KRT81: variants seen among roughly 807,000 people sequenced by gnomAD.
KRT81 encodes keratin 81, also known as keratin, type II cuticular Hb1.
KRT81 carries 35 observed loss-of-function variants against 35.8 expected under a neutral mutation model. The ratio of observed to expected loss-of-function variants is 0.98; its 90% CI spans 0.75 to 1.30. The LOEUF (loss-of-function observed/expected upper bound fraction) is 1.30, where lower values mean the gene tolerates loss of function less well. Ranked by LOEUF, KRT81 falls within the 50% of genes most tolerant of loss-of-function variation. The pLI is 0.00. For missense variants in KRT81, 531 were observed against 577.4 expected (o/e 0.92, Z 0.82); for synonymous variants, 249 against 251.2 (o/e 0.99, Z 0.08).
At chr12:52,287,830 A>G (rs1214571366) in intron 5 of KRT81, 109 bp from the exon 6 acceptor site, 1 of 1,605,338 alleles carries the variant, frequency 6.2e-7, no homozygotes, top group Non-Finnish European at 8.5e-7. Context: ...GCAGCCACAC[A>G]TGGCAGTCCT....
Position 52,287,632 on chromosome 12 carries a change from T to C in KRT81, c.990A>G (p.Gln330=), listed in dbSNP as rs7300801. The part of the protein sequence containing the change: ...EEINELNRMI[Q]RLTAEVENAK... ...CATTCTCCACCTCGGCCGTCAGCCT[T>C]TGGATCATGCGGTTCAGCTCATTGA... is the stretch of plus-strand genomic sequence containing the variant. Residue 330 remains glutamine (Q), a synonymous_variant, in exon 6 of 9, where the codon CAA becomes CAG. Coordinates refer to ENST00000327741, the MANE Select transcript of KRT81 (RefSeq NM_002281.4). 0.51 allele frequency: 817,507 copies of C among 1,613,202 alleles called. 211,729 individuals are homozygous for C. The highest frequency in any genetic ancestry group is 0.57 in the African/African-American group (42,424 of 74,874).
chr12:52,286,690 C>T (rs1478680573), intron 8 of KRT81, 101 bp downstream of exon 8: 2 of 1,349,966 alleles, frequency 1.5e-6, no homozygotes, highest in African/African-American at 2.9e-5. Context: ...GATGCCAGCC[C>T]ACTCTTTTAT....
intron 7 of KRT81, 41 bp from the exon 8 acceptor site, chr12:52,286,863 C>T: frequency 6.2e-7 from 1 of 1,611,294 alleles, no homozygotes; most frequent in Non-Finnish European, 8.5e-7. Context: ...GTGACTGCCC[C>T]AGAGTGGCTG....
At position 52,287,180 on chromosome 12, in the gene KRT81, T is replaced by C. The variant is rs372998713; in HGVS notation, c.1169A>G (p.Gln390Arg). 4.3e-6 allele frequency: 7 copies of C among 1,613,658 alleles called. No individual in the cohort carries two copies. The highest frequency in any genetic ancestry group is 4.5e-5 in the East Asian group (2 of 44,874). ...QDMACLIREY[Q>R]EVMNSKLGLD... ...GCCCAGCTTGGAGTTCATCACCTCC[T>C]GGTACTCCCTGATCAGGCAGGCCAT... The change falls in exon 7 of 9, where the codon CAG becomes CGG. Residue 390 changes from glutamine (Q) to arginine (R), a missense_variant. Coordinates refer to ENST00000327741, the MANE Select transcript of KRT81 (RefSeq NM_002281.4).
intron 4 of KRT81, 78 bp downstream of exon 4, chr12:52,288,283 A>C (rs538802475): frequency 6.2e-7 from 1 of 1,605,534 alleles, no homozygotes; most frequent in East Asian, 2.2e-5. Flanking sequence ...ACCTCTACCC[A>C]CATCCTGTCC....
Position 52,291,396 on chromosome 12 carries a change from G to T in KRT81, c.70C>A (p.Arg24Ser), listed in dbSNP as rs549397349. ...TAGGGGGCGGCGGTGATGCAGCAGC[G>T]GCCGGGCCGCGGCCCGCAGGCCGAG... ...CISACGPRPG[R>S]CCITAAPYRG... Residue 24 changes from arginine (R) to serine (S), a missense_variant, in exon 1 of 9, where the codon CGC becomes AGC. Arg to Ser is a moderately radical substitution (Grantham distance 110). Transcript: ENST00000327741. 9.9e-6 allele frequency: 16 copies of T among 1,609,230 alleles called. No homozygotes were observed. The highest frequency in any genetic ancestry group is 1.3e-5 in the Non-Finnish European group (15 of 1,178,304).
intron 6 of KRT81, 101 bp downstream of exon 6, chr12:52,287,495 G>A: frequency 6.2e-7 from 1 of 1,606,938 alleles, no homozygotes; most frequent in Non-Finnish European, 8.5e-7. Flanking sequence ...TGGACAAAGG[G>A]GGTGGAGAAT....
intron 5 of KRT81, 77 bp from the exon 6 acceptor site, chr12:52,287,798 G>A: frequency 6.2e-7 from 1 of 1,613,080 alleles, no homozygotes; most frequent in South Asian, 1.1e-5. Context: ...TGATTTTGCA[G>A]GTTGTACAGT....
rs138190669 is a variant in KRT81, at chr12:52,287,373, A to G, written c.1027-51T>C. 0.015 allele frequency: 24,003 copies of G among 1,606,316 alleles called. 231 individuals are homozygous for G. The highest frequency in any genetic ancestry group is 0.018 in the Non-Finnish European group (21,493 of 1,176,080). On this transcript the variant is annotated intron_variant, in intron 6 of 8. Coordinates refer to ENST00000327741, the MANE Select transcript of KRT81 (RefSeq NM_002281.4). ...AGATTAGAGTCCCTGGGTCTCTCTGATGCTCATCCAAATGAGACCACACTC... is the reference window on the plus strand; with the variant it reads ...AGATTAGAGTCCCTGGGTCTCTCTGGTGCTCATCCAAATGAGACCACACTC...
rs375321371 is a variant in KRT81, at chr12:52,286,716, C to T, written c.1279+75G>A. On this transcript the variant is annotated intron_variant, in intron 8 of 8. Coordinates refer to ENST00000327741, the MANE Select transcript of KRT81 (RefSeq NM_002281.4). Reference sequence around the variant, plus strand: ...ACTCTTTTATATTCAATCTCAGTAACACTCCTTTTTCCAAACTCTGCCCTC... The same window carrying T: ...ACTCTTTTATATTCAATCTCAGTAATACTCCTTTTTCCAAACTCTGCCCTC... 2.4e-5 allele frequency: 35 copies of T among 1,483,734 alleles called. No individual in the cohort carries two copies. In the African/African-American group the frequency reaches 4.5e-4, roughly 19 times the overall value. The allele number at this position is 1,483,734 out of a possible 1,614,324, so 91.9% of individuals were successfully genotyped here.
In KRT81 at chr12:52,288,083, C is replaced by G; in HGVS notation, c.801G>C (p.Arg267=). The part of the protein sequence containing the change: ...TSVVVKLDNS[R]DLNMDCIIAE... ...CAATGATGCAGTCCATGTTCAGGTCCCGGCTGTTGTCCAGCTTGACAACCA... is the reference window on the plus strand; with the variant it reads ...CAATGATGCAGTCCATGTTCAGGTCGCGGCTGTTGTCCAGCTTGACAACCA... Residue 267 remains arginine (R), a synonymous_variant, in exon 5 of 9, where the codon CGG becomes CGC. Transcript: ENST00000327741. 1 of 1,614,178 alleles carries G rather than the reference C, an allele frequency of 6.2e-7. No individual in the cohort carries two copies. Among genetic ancestry groups the G allele is most frequent in the Non-Finnish European group, 8.5e-7 (1 of 1,180,032 alleles).
At chr12:52,288,775 C>A (rs1401780193) in intron 3 of KRT81, among the ~76,000 whole-genome samples, 2 of 152,096 alleles carry the variant, frequency 1.3e-5, no homozygotes, top group East Asian at 3.9e-4. Context: ...TTTCCTGTCC[C>A]CCACAAGTGC....
Position 52,286,827 on chromosome 12 carries a change from G to A in KRT81, c.1248-5C>T. On this transcript the variant is annotated splice_region_variant and splice_polypyrimidine_tract_variant and intron_variant, in intron 7 of 8. Coordinates refer to ENST00000327741, the MANE Select transcript of KRT81 (RefSeq NM_002281.4). ...GCCCCAATGCCTTCACATAGCCTGA[G>A]GGCAAAAGAGAAAAAGGCAACATTA... is the stretch of plus-strand genomic sequence containing the variant. 6.2e-7 allele frequency: 1 copy of A among 1,613,886 alleles called. No homozygotes were observed.
chr12:52,290,534 AC>A (rs759612226), intron 1 of KRT81, among the ~76,000 whole-genome samples: 125 of 6,104 alleles, frequency 0.02, 15 homozygotes, highest in Middle Eastern at 0.083. Flanking sequence ...GAGTTGAGTG[AC>A]CCCCCCCCCC....
In KRT81 at chr12:52,291,508, C is replaced by A. The variant is rs758210072; in HGVS notation, c.-43G>T. The stretch of plus-strand genomic sequence containing the variant: ...GGGTTGCAGAGGACAGGATAGGGGA[C>A]CTGGAGTCCTGATGGAAACTCCAAT... On this transcript the variant is annotated 5_prime_UTR_variant, in exon 1 of 9. Transcript: ENST00000327741. The A allele has an allele frequency of 6.2e-7, 1 of 1,607,580 alleles. No individual in the cohort carries two copies. Among genetic ancestry groups the A allele is most frequent in the Non-Finnish European group, 8.5e-7 (1 of 1,176,638 alleles).
Position 52,291,164 on chromosome 12 carries a change from C to T in KRT81, c.302G>A (p.Cys101Tyr). The change falls in exon 1 of 9, where the codon TGC becomes TAC. Residue 101 changes from cysteine to tyrosine, a missense_variant. Coordinates refer to ENST00000327741, the MANE Select transcript of KRT81 (RefSeq NM_002281.4). The part of the protein sequence containing the change: ...LNLEIDPNAQ[C>Y]VKQEEKEQIK... Reference sequence around the variant, plus strand: ...CTGCTCCTTCTCCTCCTGCTTCACGCACTGCGCGTTGGGGTCGATCTCCAG... The same window carrying T: ...CTGCTCCTTCTCCTCCTGCTTCACGTACTGCGCGTTGGGGTCGATCTCCAG... 8.6e-7 allele frequency: 1 copy of T among 1,156,436 alleles called. No individual in the cohort carries two copies. Among genetic ancestry groups the T allele is most frequent in the African/African-American group, 1.8e-5 (1 of 54,668 alleles). The allele number at this position is 1,156,436 out of a possible 1,614,324, so 71.6% of individuals were successfully genotyped here.
Position 52,288,068 on chromosome 12 carries a change from G to T in KRT81, c.816C>A (p.Asp272Glu). ...GTGCCTTAATCTCGGCAATGATGCAGTCCATGTTCAGGTCCCGGCTGTTGT... is the reference window on the plus strand; with the variant it reads ...GTGCCTTAATCTCGGCAATGATGCATTCCATGTTCAGGTCCCGGCTGTTGT... Reference protein sequence around the residue: ...KLDNSRDLNMDCIIAEIKAQY... With the variant: ...KLDNSRDLNMECIIAEIKAQY... The change falls in exon 5 of 9, where the codon GAC becomes GAA. Residue 272 changes from aspartate (D) to glutamate (E), a missense_variant. Around this residue, in one of 5 missense-constraint regions of KRT81, gnomAD observed 194 missense variants for 198.2 expected, o/e 0.98. Transcript: ENST00000327741. 1 of 1,614,230 alleles carries T rather than the reference G, an allele frequency of 6.2e-7. No individual in the cohort carries two copies. The highest frequency in any genetic ancestry group is 1.3e-5 in the African/African-American group (1 of 75,050).
intron 3 of KRT81, among the ~76,000 whole-genome samples, chr12:52,288,674 A>C (rs1592425527): frequency 6.7e-6 from 1 of 150,324 alleles, no homozygotes; most frequent in Non-Finnish European, 1.5e-5. Flanking sequence ...CCAGCCTTTC[A>C]CCCCTCCTTG....
intron 3 of KRT81, among the ~76,000 whole-genome samples, chr12:52,288,739 AC>A (rs1362212132): frequency 1.3e-5 from 2 of 150,292 alleles, no homozygotes; most frequent in African/African-American, 2.4e-5. Flanking sequence ...GCCCAGACTG[AC>A]CCCCCAGCTC....
Sources: allele counts gnomAD v4.1 joint callset (sites outside exome capture counted in the v4.1 genomes callset), GRCh38; gene constraint gnomAD v4.1.1; regional missense constraint gnomAD v4.1.1; transcripts MANE v1.5; gene names NCBI Gene and HGNC (gene_info 2026-07-23, HGNC 2026-07-21).